BTC: variants seen among roughly 807,000 people sequenced by gnomAD.
BTC encodes probetacellulin.
BTC carries 13 observed loss-of-function variants against 18.1 expected under a neutral mutation model. The ratio of observed to expected loss-of-function variants is 0.72; its 90% CI spans 0.47 to 1.14. The LOEUF (loss-of-function observed/expected upper bound fraction) is 1.14, where lower values mean the gene tolerates loss of function less well. BTC is among the 50% of genes most tolerant of loss of function. The pLI is 0.00. For synonymous variants in BTC, 83 were observed against 79.4 expected (o/e 1.05, Z -0.24); for missense variants, 247 against 224.2 (o/e 1.10, Z -0.65).
chr4:74,770,815 A>G (rs1344021830), intron 1 of BTC, among the ~76,000 whole-genome samples: 1 of 151,956 alleles, frequency 6.6e-6, no homozygotes, highest in East Asian at 1.9e-4. Context: ...GAAATTTGAC[A>G]CTGACTGGAC....
In BTC at chr4:74,794,344, C is replaced by A; in HGVS notation, c.-19G>T. 1 of 1,538,756 alleles carries A rather than the reference C, an allele frequency of 6.5e-7. No homozygotes were observed. The highest frequency in any genetic ancestry group is 8.8e-7 in the Non-Finnish European group (1 of 1,142,812). On this transcript the variant is annotated 5_prime_UTR_variant, in exon 1 of 6. Transcript: ENST00000395743. Reference sequence around the variant, plus strand: ...GGTCCATCAACCCCGCTCTGCCGGGCCGGGCAGCCCCTAGACAAGTCTCCC... The same window carrying A: ...GGTCCATCAACCCCGCTCTGCCGGGACGGGCAGCCCCTAGACAAGTCTCCC...
At chr4:74,786,126 C>T (rs958656753) in intron 1 of BTC, among the ~76,000 whole-genome samples, 1 of 152,152 alleles carries the variant, frequency 6.6e-6, no homozygotes, top group African/African-American at 2.4e-5. Context: ...GTGTCTGTCA[C>T]CCTGAGATGA....
intron 1 of BTC, among the ~76,000 whole-genome samples, chr4:74,775,275 T>C (rs76752530): frequency 0.032 from 4,836 of 152,070 alleles, 245 homozygotes; most frequent in African/African-American, 0.11. Context: ...AAAGGAAATG[T>C]GAAAAGAAAA....
At position 74,746,324 on chromosome 4, in the gene BTC, G is replaced by C. The variant is rs1057507345; in HGVS notation, c.*353C>G. The C allele has an allele frequency of 1.6e-4, 25 of 152,300 alleles. No homozygotes were observed. The highest frequency in any genetic ancestry group is 6.0e-4 in the African/African-American group (25 of 41,448). The allele number at this position is 152,300 out of a possible 1,614,324, so 9.4% of individuals were successfully genotyped here. A position where few individuals can be genotyped will look rare whatever the true frequency, so the allele number is the denominator to read the frequency against. ...ACTTATTAGCACATGGTAAATGCTT[G>C]ATAAATGGTAGCTTTATTATTAATT... On this transcript the variant is annotated 3_prime_UTR_variant, in exon 6 of 6. Coordinates refer to ENST00000395743, the MANE Select transcript of BTC (RefSeq NM_001729.4).
intron 1 of BTC, among the ~76,000 whole-genome samples, chr4:74,784,714 T>G (rs1282187168): frequency 6.6e-6 from 1 of 152,242 alleles, no homozygotes; most frequent in African/African-American, 2.4e-5. Flanking sequence ...TCTGTTTATA[T>G]GATGAATCAC....
At chr4:74,759,236 C>T (rs189620614) in intron 2 of BTC, among the ~76,000 whole-genome samples, 7 of 151,938 alleles carry the variant, frequency 4.6e-5, no homozygotes, top group Admixed American at 3.3e-4. Context: ...AATCCTATGA[C>T]AAAATAGGGA....
intron 2 of BTC, among the ~76,000 whole-genome samples, chr4:74,760,223 C>T (rs184694826): frequency 3.2e-4 from 49 of 152,226 alleles, no homozygotes; most frequent in Admixed American, 2.1e-3. Flanking sequence ...TCTCCAGCTC[C>T]GTAGTTAGAT....
chr4:74,789,617 A>G (rs1319072846), intron 1 of BTC, among the ~76,000 whole-genome samples: 1 of 152,180 alleles, frequency 6.6e-6, no homozygotes, highest in Non-Finnish European at 1.5e-5. Context: ...AAAAATATTT[A>G]TGCATGGCTA....
At chr4:74,747,103 T>C (rs1724312199) in intron 5 of BTC, among the ~76,000 whole-genome samples, 1 of 152,240 alleles carries the variant, frequency 6.6e-6, no homozygotes. Context: ...GCCATTCATG[T>C]GAGCCAATAC....
intron 1 of BTC, among the ~76,000 whole-genome samples, chr4:74,777,255 T>C (rs987161929): frequency 2.0e-5 from 3 of 152,242 alleles, no homozygotes; most frequent in East Asian, 3.9e-4. Flanking sequence ...TACATAGCCA[T>C]GGTAAAAATG....
intron 1 of BTC, among the ~76,000 whole-genome samples, chr4:74,773,277 T>G (rs1246911130): frequency 3.9e-5 from 6 of 152,204 alleles, no homozygotes; most frequent in African/African-American, 1.4e-4. Flanking sequence ...TAGCAACAGC[T>G]GGCTGCAACT....
In BTC at chr4:74,748,101, T is replaced by A; in HGVS notation, c.477A>T (p.Glu159Asp). 2.5e-6 allele frequency: 4 copies of A among 1,610,916 alleles called. No homozygotes were observed. The change falls in exon 5 of 6, where the codon GAA becomes GAT. Residue 159 changes from glutamate to aspartate, a missense_variant. Physicochemically the swap from Glu to Asp is conservative, Grantham distance 45. Transcript: ENST00000395743. ...RKRKKKEEEM[E>D]TLGKDITPIN... ...TAGGAGTTATATCTTTACCCAGAGT[T>A]TCCATTTCTTCTTCTTTCTTCTTTC...
chr4:74,763,421 G>C (rs1553957526), intron 2 of BTC, among the ~76,000 whole-genome samples: 1 of 152,098 alleles, frequency 6.6e-6, no homozygotes, highest in East Asian at 1.9e-4. Flanking sequence ...GCCCCATGTA[G>C]AGACTACAGT....
intron 2 of BTC, among the ~76,000 whole-genome samples, chr4:74,761,992 A>C (rs1577954975): frequency 6.6e-6 from 1 of 152,152 alleles, no homozygotes; most frequent in East Asian, 1.9e-4. Flanking sequence ...ACCACTGTTC[A>C]TTTTTGCATC....
intron 2 of BTC, among the ~76,000 whole-genome samples, chr4:74,762,835 T>G (rs539916099): frequency 2.8e-4 from 42 of 152,270 alleles, no homozygotes; most frequent in African/African-American, 7.9e-4. Context: ...AGTGGTAACA[T>G]AAATAACATT....
At chr4:74,771,508 G>A (rs1012117290) in intron 1 of BTC, among the ~76,000 whole-genome samples, 2 of 152,202 alleles carry the variant, frequency 1.3e-5, no homozygotes, top group African/African-American at 4.8e-5. Flanking sequence ...CCCCCAAGTT[G>A]TGGAGCCAAT....
intron 1 of BTC, among the ~76,000 whole-genome samples, chr4:74,778,402 G>A (rs1183070576): frequency 6.6e-6 from 1 of 152,096 alleles, no homozygotes; most frequent in African/African-American, 2.4e-5. Flanking sequence ...CTTTATTTGA[G>A]AGTTACAAGC....
At chr4:74,759,068 G>A (rs1164298318) in intron 2 of BTC, among the ~76,000 whole-genome samples, 8 of 151,990 alleles carry the variant, frequency 5.3e-5, no homozygotes, top group African/African-American at 1.9e-4. Flanking sequence ...TAAAATTTCA[G>A]TGCCTTATAA....
intron 3 of BTC, among the ~76,000 whole-genome samples, chr4:74,752,603 T>A (rs1447591796): frequency 6.6e-6 from 1 of 151,966 alleles, no homozygotes; most frequent in Non-Finnish European, 1.5e-5. Context: ...ATGGTCTCAA[T>A]CTCTTGACCT....
Sources: allele counts gnomAD v4.1 joint callset (sites outside exome capture counted in the v4.1 genomes callset), GRCh38; gene constraint gnomAD v4.1.1; transcripts MANE v1.5; gene names NCBI Gene and HGNC (gene_info 2026-07-23, HGNC 2026-07-21).